The following SLC13A3 variants were observed in gnomAD, a reference collection of about 807,000 sequenced individuals.
SLC13A3 encodes solute carrier family 13 member 3.
SLC13A3 carries 40 observed loss-of-function variants against 59.0 expected under a neutral mutation model. The ratio of observed to expected loss-of-function variants is 0.68; its 90% CI spans 0.53 to 0.88. The LOEUF (loss-of-function observed/expected upper bound fraction) is 0.88, where lower values mean the gene tolerates loss of function less well. Among genes scored for constraint, SLC13A3 ranks in the 40% least tolerant of loss-of-function variants. SLC13A3 has a pLI of 0.00. For synonymous variants in SLC13A3, 317 were observed against 330.3 expected, an observed-to-expected ratio of 0.96 and a Z score of 0.44; for missense variants, 699 against 783.2, an observed-to-expected ratio of 0.89 and a Z score of 1.28.
intron 1 of SLC13A3, among the ~76,000 whole-genome samples, chr20:46,643,309 A>G (rs1380465113): frequency 6.6e-6 from 1 of 152,212 alleles, no homozygotes; most frequent in Non-Finnish European, 1.5e-5. Context: ...AATGGAGTGT[A>G]AAGGATTTTT....
In SLC13A3 at chr20:46,583,576, G is replaced by A; in HGVS notation, c.1215C>T (p.Phe405=). ...CCCCAGCCTTGACCACCTTACCTTT[G>A]AAGTCAAACCACCACTTGAGAGAGG... ...QRPSLKWWFD[F]KAPNTETEPL... is the part of the protein sequence containing the mutation. The change falls in exon 9 of 13, where the codon TTC becomes TTT. Residue 405 remains phenylalanine (F), a synonymous_variant. Transcript: ENST00000279027. The A allele has an allele frequency of 6.2e-7, 1 of 1,613,572 alleles. No individual in the cohort carries two copies. Among genetic ancestry groups the A allele is most frequent in the Non-Finnish European group, 8.5e-7 (1 of 1,179,898 alleles).
intron 1 of SLC13A3, among the ~76,000 whole-genome samples, chr20:46,642,999 G>T (rs930558078): frequency 6.6e-6 from 1 of 152,134 alleles, no homozygotes; most frequent in Non-Finnish European, 1.5e-5. Context: ...CTCCTTCTTG[G>T]GGTCATGGTG....
intron 1 of SLC13A3, among the ~76,000 whole-genome samples, chr20:46,642,851 G>A (rs929073130): frequency 6.6e-6 from 1 of 152,200 alleles, no homozygotes; most frequent in African/African-American, 2.4e-5. Flanking sequence ...AGGGGAGATA[G>A]GCGACAGCAG....
At chr20:46,598,138 A>G (rs1037746495) in intron 4 of SLC13A3, among the ~76,000 whole-genome samples, 13 of 152,228 alleles carry the variant, frequency 8.5e-5, no homozygotes, top group Admixed American at 7.9e-4. Flanking sequence ...ATATTTACTT[A>G]AAGAAGGAAA....
At chr20:46,679,165 C>T (rs1190440151) in intron 1 of SLC13A3, among the ~76,000 whole-genome samples, 5 of 152,210 alleles carry the variant, frequency 3.3e-5, no homozygotes, top group African/African-American at 7.2e-5. Context: ...GCCTAATACA[C>T]ATGCCCATTC....
rs184665709 is a variant in SLC13A3 at position 46,581,989 on chromosome 20, T to C, written c.1219+1583A>G. 2.6e-5 allele frequency among the ~76,000 whole-genome samples: 4 copies of C among 152,280 alleles called. No individual in the cohort carries two copies. The East Asian group carries it at 5.8e-4, about 22-fold the overall frequency. The stretch of plus-strand genomic sequence containing the variant: ...CAGCCTCCCTGAGGTCCAGCTATGC[T>C]ACAGGAACTGTCTATGGGTCGCACA... On this transcript the variant is annotated intron_variant, in intron 9 of 12. Coordinates refer to ENST00000279027, the MANE Select transcript of SLC13A3 (RefSeq NM_022829.6).
chr20:46,651,334 C>T lies in SLC13A3; in HGVS notation c.88G>A (p.Val30Met). The change falls in exon 1 of 13, where the codon GTG (valine) becomes ATG (methionine). Residue 30 changes from valine to methionine, a missense_variant. Val to Met is a conservative substitution (Grantham distance 21, BLOSUM62 1). Transcript: ENST00000279027. ...ACCTTGGGCGGGAGGGCGAAGACCA[C>T]CGGCAGCAGCGCGAGCGGCGTGAAC... ...LLFTPLALLP[V>M]VFALPPKEGR... 6.6e-7 allele frequency: 1 copy of T among 1,514,896 alleles called. No individual in the cohort carries two copies. Among genetic ancestry groups the T allele is most frequent in the Non-Finnish European group, 8.8e-7 (1 of 1,133,436 alleles). The allele number at this position is 1,514,896 out of a possible 1,614,324, so 93.8% of individuals were successfully genotyped here.
chr20:46,592,158 G>A (rs117563623), intron 6 of SLC13A3, among the ~76,000 whole-genome samples: 1 of 152,158 alleles, frequency 6.6e-6, no homozygotes, highest in African/African-American at 2.4e-5. Flanking sequence ...GCTGCAATGT[G>A]CTATGATCGC....
At chr20:46,560,721 G>A (rs2061923479) in intron 12 of SLC13A3, among the ~76,000 whole-genome samples, 1 of 152,116 alleles carries the variant, frequency 6.6e-6, no homozygotes, top group South Asian at 2.1e-4. Flanking sequence ...CAGTCAGGTA[G>A]TCCTAGTCAA....
upstream of SLC13A3, chr20:46,651,513 A>G: frequency 3.0e-6 from 4 of 1,342,798 alleles, no homozygotes; most frequent in Non-Finnish European, 3.8e-6. Flanking sequence ...CGGGGAGGGG[A>G]CTGCGCTGGG....
intron 1 of SLC13A3, among the ~76,000 whole-genome samples, chr20:46,667,209 G>C (rs1307073101): frequency 6.6e-6 from 1 of 152,110 alleles, no homozygotes; most frequent in Non-Finnish European, 1.5e-5. Flanking sequence ...GTGTATGGAG[G>C]GACAAAGGCC....
At position 46,573,431 on chromosome 20, in the gene SLC13A3, C is replaced by T. The variant is rs558255903; in HGVS notation, c.1332+2142G>A. 9.3e-4 allele frequency among the ~76,000 whole-genome samples: 141 copies of T among 152,326 alleles called. 4 individuals carry two copies. In the South Asian group the frequency reaches 0.028, roughly 30 times the overall value. ...AGTGCTCCTGTGGGGCTGGGACTGC[C>T]TCCAGCTGCATTTCTCCCTCTGCAC... On this transcript the variant is annotated intron_variant, in intron 10 of 12. Coordinates refer to ENST00000279027, the MANE Select transcript of SLC13A3 (RefSeq NM_022829.6).
At chr20:46,619,240 T>C (rs181109575) in intron 1 of SLC13A3, among the ~76,000 whole-genome samples, 1 of 152,312 alleles carries the variant, frequency 6.6e-6, no homozygotes, top group East Asian at 1.9e-4. Flanking sequence ...AAGCCTCTTT[T>C]GTATTTGAGT....
rs577730248 is a variant in SLC13A3 at position 46,581,254 on chromosome 20, G to C, written c.1219+2318C>G. Among the ~76,000 whole-genome samples the C allele has an allele frequency of 3.3e-5, 5 of 152,320 alleles. No individual in the cohort carries two copies. In the East Asian group the frequency reaches 9.6e-4, roughly 29 times the overall value. ...GGGCCCAGCTGAGAGAAAGCCCTGG[G>C]CATTGTGAGTTCAACCCCAGGTGCC... On this transcript the variant is annotated intron_variant, in intron 9 of 12. Coordinates refer to ENST00000279027, the MANE Select transcript of SLC13A3 (RefSeq NM_022829.6).
In SLC13A3 at chr20:46,558,960, G is replaced by A. The variant is rs370107532; in HGVS notation, c.*1062C>T. On this transcript the variant is annotated 3_prime_UTR_variant, in exon 13 of 13. Transcript: ENST00000279027. ...ACACCACTTCCAGCCTCGGGCTCAC[G>A]GGGACGTCTCAGTTTTACCCATATG... 3 of 151,876 alleles carry A rather than the reference G, an allele frequency of 2.0e-5. No homozygotes were observed. Among genetic ancestry groups the A allele is most frequent in the East Asian group, 1.9e-4 (1 of 5,152 alleles). 9.4% of individuals were successfully genotyped at this position (151,876 alleles called of 1,614,324 possible).
chr20:46,585,804 C>T (rs1600520920), intron 8 of SLC13A3: 8 of 1,264,878 alleles, frequency 6.3e-6, no homozygotes, highest in Non-Finnish European at 8.2e-6. Flanking sequence ...GCAACAAGAG[C>T]TTCATGGCTT....
At chr20:46,562,424 CTG>C (rs2061939456) in intron 12 of SLC13A3, among the ~76,000 whole-genome samples, 1 of 152,136 alleles carries the variant, frequency 6.6e-6, no homozygotes, top group Admixed American at 6.5e-5. Context: ...CCCTTTTTCT[CTG>C]TGAGGCTGGC....
At chr20:46,644,651 T>C (rs1035866529) in intron 1 of SLC13A3, among the ~76,000 whole-genome samples, 2 of 152,346 alleles carry the variant, frequency 1.3e-5, no homozygotes, top group Non-Finnish European at 2.9e-5. Context: ...GAAGACACTC[T>C]TCCTGCATCA....
intron 1 of SLC13A3, among the ~76,000 whole-genome samples, chr20:46,621,052 G>T (rs1217887266): frequency 6.6e-6 from 1 of 152,218 alleles, no homozygotes; most frequent in Non-Finnish European, 1.5e-5. Context: ...CAATAGCAAA[G>T]GTCATGGCAA....
Sources: gnomAD v4.1 joint callset for allele counts (sites outside exome capture counted in the v4.1 genomes callset) on GRCh38, gnomAD v4.1.1 for gene constraint, MANE v1.5 for transcripts, NCBI Gene and HGNC (gene_info 2026-07-23, HGNC 2026-07-21) for gene names.